XKR6: variants seen among roughly 807,000 people sequenced by gnomAD.
The protein encoded by XKR6 is XK-related protein 6.
Under a neutral mutation model 56.7 loss-of-function variants are expected in XKR6, and 22 were observed. The ratio of observed to expected loss-of-function variants is 0.39; its 90% confidence interval spans 0.28 to 0.55. XKR6 has a LOEUF of 0.55. Ranked by LOEUF, XKR6 falls within the 20% of genes least tolerant of loss-of-function variation. XKR6 has a pLI of 0.66. For missense variants in XKR6, 852 were observed against 889.0 expected (o/e 0.96, Z 0.53); for synonymous variants, 524 against 387.8 (o/e 1.35, Z -4.13).
In XKR6 at chr8:11,101,928, T is replaced by C. The variant is rs2409704; in HGVS notation, c.764+98648A>G. Among the ~76,000 whole-genome samples the C allele has an allele frequency of 3.4e-3, 521 of 152,286 alleles. 11 individuals are homozygous for C. Among genetic ancestry groups the C allele is most frequent in the Admixed American group, 0.029 (436 of 15,298 alleles). On this transcript the variant is annotated intron_variant, in intron 1 of 2. Coordinates refer to ENST00000416569, the MANE Select transcript of XKR6 (RefSeq NM_173683.4). ...AATTTTAGTGTTGTATCTTGCAGTCTAGTTTGTTACAATCATGCCCACCTC... is the reference window on the plus strand; with the variant it reads ...AATTTTAGTGTTGTATCTTGCAGTCCAGTTTGTTACAATCATGCCCACCTC...
chr8:11,176,222 C>T (rs528746569), intron 1 of XKR6, among the ~76,000 whole-genome samples: 11 of 152,266 alleles, frequency 7.2e-5, no homozygotes, highest in African/African-American at 2.6e-4. Flanking sequence ...ATTATCTCCT[C>T]GAATTGGCCA....
intron 1 of XKR6, among the ~76,000 whole-genome samples, chr8:11,099,412 A>T (rs1263194917): frequency 6.6e-6 from 1 of 152,188 alleles, no homozygotes; most frequent in Admixed American, 6.5e-5. Flanking sequence ...CAACTGGGGG[A>T]ATTTTAGGCT....
chr8:11,022,438 C>G (rs997372898), intron 1 of XKR6, among the ~76,000 whole-genome samples: 1 of 152,262 alleles, frequency 6.6e-6, no homozygotes, highest in East Asian at 1.9e-4. Context: ...CCCCCTGGGT[C>G]CAAGGCAGAG....
rs976505237 is a variant in XKR6 at position 11,201,394 on chromosome 8, G to T, written c.-55C>A. The T allele has an allele frequency of 1.3e-6, 1 of 763,310 alleles. No homozygotes were observed. Among genetic ancestry groups the T allele is most frequent in the Non-Finnish European group, 1.8e-6 (1 of 566,374 alleles). The allele number at this position is 763,310 out of a possible 1,614,324, so 47.3% of individuals were successfully genotyped here. A position where few individuals can be genotyped will look rare whatever the true frequency, so the allele number is the denominator to read the frequency against. On this transcript the variant is annotated 5_prime_UTR_variant, in exon 1 of 3. Transcript: ENST00000416569. ...GGGGGGAGGGACGGCGGGGGGGGGGGGAAGAAGGCAGGGAACGGGGAGGGG... is the reference window on the plus strand; with the variant it reads ...GGGGGGAGGGACGGCGGGGGGGGGGTGAAGAAGGCAGGGAACGGGGAGGGG...
chr8:11,190,204 A>AAAGAAAAGAAAGAAAG (rs746304600), intron 1 of XKR6, among the ~76,000 whole-genome samples: 3 of 120,924 alleles, frequency 2.5e-5, no homozygotes, highest in African/African-American at 1.1e-4. Flanking sequence ...AGAAAGAAAG[A>AAAGAAAAGAAAGAAAG]AAAGAAAGAA....
chr8:11,149,707 A>T (rs1174933941), intron 1 of XKR6, among the ~76,000 whole-genome samples: 2 of 152,158 alleles, frequency 1.3e-5, no homozygotes, highest in Admixed American at 6.6e-5. Flanking sequence ...AAAACCAAAA[A>T]CAGAACCACT....
At chr8:11,027,639 C>T (rs569714426) in intron 1 of XKR6, among the ~76,000 whole-genome samples, 1 of 152,332 alleles carries the variant, frequency 6.6e-6, no homozygotes, top group South Asian at 2.1e-4. Flanking sequence ...CTATCTTGGG[C>T]CAGTGGCTCA....
intron 2 of XKR6, among the ~76,000 whole-genome samples, chr8:10,902,329 A>C (rs887617551): frequency 3.3e-5 from 5 of 152,118 alleles, no homozygotes; most frequent in Non-Finnish European, 7.4e-5. Flanking sequence ...TGAATGGCCA[A>C]ACCTTCTATC....
chr8:11,015,509 G>T (rs1355220033), intron 1 of XKR6, among the ~76,000 whole-genome samples: 10 of 152,174 alleles, frequency 6.6e-5, no homozygotes, highest in African/African-American at 2.4e-4. Flanking sequence ...GGACTCTGAA[G>T]AGAGTTAGGG....
In XKR6 at chr8:10,924,879, G is replaced by T. The variant is rs758237882; in HGVS notation, c.765-49C>A. 7 of 1,562,970 alleles carry T rather than the reference G, an allele frequency of 4.5e-6. No homozygotes were observed. The African/African-American group carries it at 5.4e-5, about 12-fold the overall frequency. The stretch of plus-strand genomic sequence containing the variant: ...ACAGAGAGCATGGGTGGGTGCAGGG[G>T]CTCCAGAGGACCCTTGCCATCCCCC... On this transcript the variant is annotated intron_variant, in intron 1 of 2. Transcript: ENST00000416569.
intron 1 of XKR6, among the ~76,000 whole-genome samples, chr8:11,161,881 C>T (rs1801832129): frequency 6.6e-6 from 1 of 152,108 alleles, no homozygotes; most frequent in Admixed American, 6.6e-5. Flanking sequence ...GAAGGGTTAG[C>T]TTGCCTTTCT....
chr8:11,159,168 C>T (rs572567810), intron 1 of XKR6, among the ~76,000 whole-genome samples: 8 of 152,344 alleles, frequency 5.3e-5, no homozygotes, highest in African/African-American at 1.9e-4. Context: ...TCAGCTGTTA[C>T]TAACATCCAC....
At chr8:11,047,286 T>C (rs1407240927) in intron 1 of XKR6, among the ~76,000 whole-genome samples, 1 of 152,174 alleles carries the variant, frequency 6.6e-6, no homozygotes. Flanking sequence ...TTTTGTCAAC[T>C]ACACCTCAAT....
At chr8:10,920,875 A>G (rs1352552442) in intron 2 of XKR6, among the ~76,000 whole-genome samples, 2 of 152,236 alleles carry the variant, frequency 1.3e-5, no homozygotes, top group African/African-American at 4.8e-5. Flanking sequence ...TTTAACCACA[A>G]AAGGCTGTAT....
At chr8:11,005,349 G>T (rs899201538) in intron 1 of XKR6, among the ~76,000 whole-genome samples, 1 of 151,000 alleles carries the variant, frequency 6.6e-6, no homozygotes, top group Non-Finnish European at 1.5e-5. Flanking sequence ...TGGATAAGAA[G>T]TGACTGTAGT....
intron 1 of XKR6, among the ~76,000 whole-genome samples, chr8:10,940,466 C>T (rs1018010975): frequency 6.6e-6 from 1 of 152,236 alleles, no homozygotes. Context: ...ACTGGCTGGG[C>T]AGAGGCCATA....
chr8:11,087,720 G>C (rs1006228572), intron 1 of XKR6, among the ~76,000 whole-genome samples: 28 of 152,180 alleles, frequency 1.8e-4, no homozygotes, highest in African/African-American at 6.0e-4. Flanking sequence ...GCTAATCCTA[G>C]AGTCACATAT....
At chr8:11,109,029 A>G (rs1798791223) in intron 1 of XKR6, 1 of 152,224 alleles carries the variant, frequency 6.6e-6, no homozygotes, top group African/African-American at 2.4e-5. Flanking sequence ...CTGGGTAAAG[A>G]GTCAGATTTC....
At chr8:11,192,091 G>C (rs966477916) in intron 1 of XKR6, among the ~76,000 whole-genome samples, 1 of 152,124 alleles carries the variant, frequency 6.6e-6, no homozygotes, top group African/African-American at 2.4e-5. Flanking sequence ...GACAAGGCAG[G>C]AGGACTGATT....
Sources: allele counts gnomAD v4.1 joint callset (sites outside exome capture counted in the v4.1 genomes callset), GRCh38; gene constraint gnomAD v4.1.1; transcripts MANE v1.5; gene names NCBI Gene and HGNC (gene_info 2026-07-23, HGNC 2026-07-21).